The following DPYSL5 variants were observed in gnomAD, a reference collection of about 807,000 sequenced individuals.
DPYSL5 encodes the protein dihydropyrimidinase like 5, also known as dihydropyrimidinase-related protein 5.
A neutral mutation model predicts 58.4 loss-of-function variants in DPYSL5; 9 were observed. The ratio of observed to expected loss-of-function variants is 0.15; its 90% CI spans 0.09 to 0.27. DPYSL5 has a LOEUF of 0.27. Ranked by LOEUF, DPYSL5 falls within the 10% of genes least tolerant of loss-of-function variation. The pLI, the probability that DPYSL5 is intolerant of heterozygous loss-of-function variation, is 1.00. For synonymous variants in DPYSL5, 293 were observed against 301.9 expected (o/e 0.97, Z 0.31); for missense variants, 499 against 770.6 (o/e 0.65, Z 4.17).
intron 1 of DPYSL5, among the ~76,000 whole-genome samples, chr2:26,896,845 G>A (rs377658522): frequency 6.6e-6 from 1 of 152,166 alleles, no homozygotes; most frequent in East Asian, 1.9e-4. Flanking sequence ...TCACTCTGTT[G>A]ATTGTTTCCT....
chr2:26,909,479 C>T (rs949584883), intron 2 of DPYSL5, among the ~76,000 whole-genome samples: 5 of 151,940 alleles, frequency 3.3e-5, no homozygotes, highest in African/African-American at 1.2e-4. Context: ...TTAAACAAGG[C>T]GGGGCTCAGT....
intron 1 of DPYSL5, among the ~76,000 whole-genome samples, chr2:26,855,249 G>A (rs1461726757): frequency 2.1e-5 from 3 of 146,088 alleles, no homozygotes; most frequent in Admixed American, 2.0e-4. Flanking sequence ...TCAATATGGT[G>A]AAACCCCGTC....
intron 1 of DPYSL5, among the ~76,000 whole-genome samples, chr2:26,863,197 C>A (rs970949236): frequency 6.6e-6 from 1 of 152,150 alleles, no homozygotes; most frequent in African/African-American, 2.4e-5. Context: ...GCCCCTGGCC[C>A]ACCCCTTCCT....
chr2:26,908,590 C>T (rs940199174), intron 2 of DPYSL5, among the ~76,000 whole-genome samples: 6 of 152,176 alleles, frequency 3.9e-5, no homozygotes, highest in Non-Finnish European at 7.3e-5. Flanking sequence ...GGGAAAAAAC[C>T]TCCTATGGTG....
At chr2:26,889,839 G>C (rs766968343) in intron 1 of DPYSL5, among the ~76,000 whole-genome samples, 2 of 152,146 alleles carry the variant, frequency 1.3e-5, no homozygotes, top group Non-Finnish European at 2.9e-5. Flanking sequence ...TGCACACACA[G>C]ACAGCCTGTG....
chr2:26,929,834 A>G (rs1239605642), intron 5 of DPYSL5, among the ~76,000 whole-genome samples: 2 of 152,242 alleles, frequency 1.3e-5, no homozygotes, highest in Admixed American at 6.5e-5. Flanking sequence ...TCCCCCTGCT[A>G]AAGAATTCTG....
chr2:26,882,253 A>G (rs1402313578), intron 1 of DPYSL5, among the ~76,000 whole-genome samples: 1 of 151,948 alleles, frequency 6.6e-6, no homozygotes, highest in Non-Finnish European at 1.5e-5. Flanking sequence ...TTACTTATTT[A>G]TTTATTCATT....
intron 1 of DPYSL5, among the ~76,000 whole-genome samples, chr2:26,895,754 TTCTG>T (rs1410664368): frequency 2.6e-5 from 4 of 151,382 alleles, no homozygotes; most frequent in Non-Finnish European, 5.9e-5. Context: ...ATAACCACCA[TTCTG>T]TTCTCTATTT....
chr2:26,892,756 TGA>T (rs144430871), intron 1 of DPYSL5, among the ~76,000 whole-genome samples: 22,951 of 138,602 alleles, frequency 0.17, 2,276 homozygotes, highest in East Asian at 0.4. Flanking sequence ...TGGGTTTGTT[TGA>T]GAGAGAGAGA....
chr2:26,880,798 C>T (rs944876907), intron 1 of DPYSL5, among the ~76,000 whole-genome samples: 1 of 152,242 alleles, frequency 6.6e-6, no homozygotes, highest in Admixed American at 6.5e-5. Flanking sequence ...TGCTTTCTCA[C>T]CGCCATCTCC....
chr2:26,932,387 G>A (rs1346821885), intron 6 of DPYSL5, among the ~76,000 whole-genome samples: 4 of 152,098 alleles, frequency 2.6e-5, no homozygotes, highest in East Asian at 1.9e-4. Context: ...CCACCCCGCC[G>A]AGCCTGCTGA....
At chr2:26,883,587 T>TG (rs763518022) in intron 1 of DPYSL5, among the ~76,000 whole-genome samples, 14 of 152,074 alleles carry the variant, frequency 9.2e-5, no homozygotes, top group Non-Finnish European at 1.6e-4. Flanking sequence ...TTAGTAGAGA[T>TG]GGGGTTTCAC....
chr2:26,874,299 C>A (rs1199104326), intron 1 of DPYSL5, among the ~76,000 whole-genome samples: 2 of 152,118 alleles, frequency 1.3e-5, no homozygotes, highest in Non-Finnish European at 2.9e-5. Flanking sequence ...ACAATTTTAT[C>A]TTTTAGGGTT....
chr2:26,932,624 AC>A (rs1665061990), intron 6 of DPYSL5, among the ~76,000 whole-genome samples: 1 of 152,206 alleles, frequency 6.6e-6, no homozygotes, highest in African/African-American at 2.4e-5. Context: ...GACCCAAACA[AC>A]AAAAAGTCAG....
chr2:26,887,579 C>A (rs1483334124), intron 1 of DPYSL5, among the ~76,000 whole-genome samples: 6 of 152,212 alleles, frequency 3.9e-5, no homozygotes, highest in Admixed American at 3.9e-4. Flanking sequence ...CAAGAAGCAG[C>A]AGCTGCCATA....
chr2:26,875,767 A>G lies in DPYSL5; in HGVS notation c.-4-22729A>G, dbSNP rs146309296. 3.0e-3 allele frequency among the ~76,000 whole-genome samples: 453 copies of G among 152,324 alleles called. 4 individuals are homozygous for G. Among genetic ancestry groups the G allele is most frequent in the African/African-American group, 0.01 (436 of 41,570 alleles). Reference sequence around the variant, plus strand: ...AGATCTGGCCAGCCTTTCAGGGAATAGATGGGGGATAAATTGTATGTCCTT... The same window carrying G: ...AGATCTGGCCAGCCTTTCAGGGAATGGATGGGGGATAAATTGTATGTCCTT... On this transcript the variant is annotated intron_variant, in intron 1 of 12. Coordinates refer to ENST00000288699, the MANE Select transcript of DPYSL5 (RefSeq NM_020134.4).
At position 26,934,889 on chromosome 2, in the gene DPYSL5, C is replaced by T. The variant is rs1478034621; in HGVS notation, c.947+155C>T. Among the ~76,000 whole-genome samples, 1 of 152,180 alleles carries T rather than the reference C, an allele frequency of 6.6e-6. No individual in the cohort carries two copies. The highest frequency in any genetic ancestry group is 2.4e-5 in the African/African-American group (1 of 41,440). On this transcript the variant is annotated intron_variant, in intron 8 of 12. Transcript: ENST00000288699. This position sits in a 1 kb window ranked among gnomAD's most constrained non-coding sequence, Gnocchi z 4.3. The stretch of plus-strand genomic sequence containing the variant: ...TTCTCTGAGCCCATCAGATAATTGC[C>T]ATCCTATTGGGATTTTATGACCGCT...
Position 26,942,672 on chromosome 2 carries a change from C to T in DPYSL5, c.1362C>T (p.Cys454=). The T allele has an allele frequency of 6.2e-7, 1 of 1,614,024 alleles. No individual in the cohort carries two copies. The highest frequency in any genetic ancestry group is 8.5e-7 in the Non-Finnish European group (1 of 1,180,008). ...RVVYENGVFM[C]AEGTGKFCPL... is the part of the protein sequence containing the mutation. ...TGTATGAGAACGGCGTCTTCATGTG[C>T]GCCGAGGGCACCGGCAAGTTCTGTC... The change falls in exon 11 of 13, where the codon TGC becomes TGT. Residue 454 remains cysteine (C), a synonymous_variant. Coordinates refer to ENST00000288699, the MANE Select transcript of DPYSL5 (RefSeq NM_020134.4). The surrounding 1 kb of genome is among the most constrained non-coding windows in gnomAD (Gnocchi z 5.9).
At position 26,922,842 on chromosome 2, in the gene DPYSL5, G is replaced by A. The variant is rs189285277; in HGVS notation, c.262-2045G>A. Among the ~76,000 whole-genome samples, 997 of 152,240 alleles carry A rather than the reference G, an allele frequency of 6.5e-3. 10 individuals carry two copies. Among genetic ancestry groups the A allele is most frequent in the South Asian group, 0.011 (53 of 4,816 alleles). ...CAATCTGCACTGCTCTCCTTCTCCC[G>A]GTTCCTCTGCCGCCCCCATCACAGC... On this transcript the variant is annotated intron_variant, in intron 2 of 12. Coordinates refer to ENST00000288699, the MANE Select transcript of DPYSL5 (RefSeq NM_020134.4).
Sources: gnomAD v4.1 joint callset for allele counts (sites outside exome capture counted in the v4.1 genomes callset) on GRCh38, gnomAD v4.1.1 for gene constraint, Gnocchi (gnomAD v3.1) non-coding constraint, MANE v1.5 for transcripts, NCBI Gene and HGNC (gene_info 2026-07-23, HGNC 2026-07-21) for gene names.